The following DTNB variants were observed in gnomAD, a reference collection of about 807,000 sequenced individuals.
The protein encoded by DTNB is DTN-B.
Under a neutral mutation model 90.7 loss-of-function variants are expected in DTNB, and 63 were observed. The observed-to-expected ratio is 0.69, with a 90% CI of 0.57 to 0.86. The LOEUF is 0.86. Among genes scored for constraint, DTNB ranks in the 40% least tolerant of loss-of-function variants. The pLI is 0.00. For synonymous variants in DTNB, 277 were observed against 286.7 expected, an observed-to-expected ratio of 0.97 and a Z score of 0.34; for missense variants, 744 against 807.1, an observed-to-expected ratio of 0.92 and a Z score of 0.95.
At chr2:25,496,855 A>C (rs2069007782) in intron 9 of DTNB, among the ~76,000 whole-genome samples, 2 of 151,976 alleles carry the variant, frequency 1.3e-5, no homozygotes, top group South Asian at 4.2e-4. Flanking sequence ...AAAAAAAAAA[A>C]AAAAGATAAT....
chr2:25,535,798 T>G (rs2079534667), intron 8 of DTNB, among the ~76,000 whole-genome samples: 1 of 107,046 alleles, frequency 9.3e-6, no homozygotes, highest in South Asian at 3.3e-4. Context: ...CACTTCCCAT[T>G]CAGGGCAGCC....
At chr2:25,404,780 G>C (rs2044640363) in intron 16 of DTNB, among the ~76,000 whole-genome samples, 1 of 152,082 alleles carries the variant, frequency 6.6e-6, no homozygotes, top group Non-Finnish European at 1.5e-5. Flanking sequence ...GCTTGAACCT[G>C]GGAGACAGAG....
At chr2:25,418,942 C>G (rs1246230453) in intron 16 of DTNB, among the ~76,000 whole-genome samples, 1 of 152,134 alleles carries the variant, frequency 6.6e-6, no homozygotes, top group Non-Finnish European at 1.5e-5. Context: ...AAACACCATG[C>G]AATAGCCACA....
intron 6 of DTNB, chr2:25,595,207 T>C (rs1573113688): frequency 6.6e-6 from 1 of 152,206 alleles, no homozygotes; most frequent in Admixed American, 6.5e-5. Flanking sequence ...AGGCAGGCGG[T>C]ATCAGTTTAT....
intron 2 of DTNB, among the ~76,000 whole-genome samples, chr2:25,648,930 G>A (rs1392534613): frequency 1.4e-5 from 2 of 143,230 alleles, no homozygotes; most frequent in Admixed American, 1.4e-4. Context: ...TAGAAATATA[G>A]AAAGAATAGA....
intron 1 of DTNB, chr2:25,672,957 C>G (rs565427978): frequency 1.3e-5 from 2 of 153,622 alleles, no homozygotes; most frequent in East Asian, 3.9e-4. Flanking sequence ...GAAATAAATA[C>G]CCTTCCCTCT....
At chr2:25,592,777 G>A (rs550866607) in intron 6 of DTNB, among the ~76,000 whole-genome samples, 4 of 152,308 alleles carry the variant, frequency 2.6e-5, no homozygotes, top group African/African-American at 9.6e-5. Flanking sequence ...TAAGGTATAT[G>A]AGGAAAACAG....
intron 9 of DTNB, among the ~76,000 whole-genome samples, chr2:25,488,608 C>A (rs916141058): frequency 2.0e-5 from 3 of 152,092 alleles, no homozygotes; most frequent in African/African-American, 7.2e-5. Flanking sequence ...TTAAACAGTA[C>A]CTGGTCATTT....
rs2040166504 is a variant in DTNB, at chr2:25,388,495, G to A, written c.1576-134C>T. The A allele has an allele frequency of 2.4e-6, 3 of 1,257,664 alleles. No individual in the cohort carries two copies. In the African/African-American group the frequency reaches 4.5e-5, roughly 19 times the overall value. The allele number at this position is 1,257,664 out of a possible 1,614,324, so 77.9% of individuals were successfully genotyped here. ...CAGTGGTACAAGATCATACTTGAAA[G>A]GAAGGAGTTAGGCTGCTTCCAAGAC... On this transcript the variant is annotated intron_variant, in intron 16 of 20. Coordinates refer to ENST00000406818, the MANE Select transcript of DTNB (RefSeq NM_021907.5).
At chr2:25,414,092 CTG>C (rs1380797654) in intron 16 of DTNB, among the ~76,000 whole-genome samples, 1 of 152,178 alleles carries the variant, frequency 6.6e-6, no homozygotes, top group Non-Finnish European at 1.5e-5. Context: ...AGAGAAGTGT[CTG>C]TTCAGATCCT....
chr2:25,639,452 C>G (rs571258426), intron 2 of DTNB: 23 of 169,946 alleles, frequency 1.4e-4, no homozygotes, highest in African/African-American at 4.0e-4. Flanking sequence ...CCTGTCCCAG[C>G]CTGACCAACC....
chr2:25,529,430 G>C (rs971708542), intron 9 of DTNB, among the ~76,000 whole-genome samples: 2 of 151,664 alleles, frequency 1.3e-5, no homozygotes, highest in Non-Finnish European at 2.9e-5. Flanking sequence ...AAAAAGTAAG[G>C]AGAAAACCAC....
At chr2:25,519,914 C>A (rs1427191787) in intron 9 of DTNB, among the ~76,000 whole-genome samples, 1 of 152,128 alleles carries the variant, frequency 6.6e-6, no homozygotes, top group East Asian at 1.9e-4. Context: ...AAATAAGACT[C>A]TAGTCTCCCA....
chr2:25,661,809 AT>A (rs2083229520), intron 1 of DTNB, among the ~76,000 whole-genome samples: 1 of 152,232 alleles, frequency 6.6e-6, no homozygotes, highest in African/African-American at 2.4e-5. Context: ...ATTCTCATAT[AT>A]TGCTGGTGAA....
chr2:25,633,052 C>A (rs2076108637), intron 3 of DTNB, among the ~76,000 whole-genome samples: 1 of 152,122 alleles, frequency 6.6e-6, no homozygotes, highest in South Asian at 2.1e-4. Flanking sequence ...ATCAAAGATT[C>A]TACAGATAAA....
chr2:25,515,541 C>T (rs2074913552), intron 9 of DTNB, among the ~76,000 whole-genome samples: 1 of 152,076 alleles, frequency 6.6e-6, no homozygotes, highest in African/African-American at 2.4e-5. Flanking sequence ...GTCTTTTCAA[C>T]AACTGGTGCT....
chr2:25,609,951 A>G (rs1342730470), intron 4 of DTNB, among the ~76,000 whole-genome samples: 1 of 152,236 alleles, frequency 6.6e-6, no homozygotes, highest in Non-Finnish European at 1.5e-5. Flanking sequence ...ATGACTATTA[A>G]GTGCATGAAA....
intron 9 of DTNB, among the ~76,000 whole-genome samples, chr2:25,504,321 GAAGA>G (rs1158174630): frequency 3.4e-5 from 5 of 148,010 alleles, no homozygotes; most frequent in African/African-American, 7.5e-5. Flanking sequence ...AGAAAGAAGG[GAAGA>G]AAGAAAGAAG....
rs199673213 is a variant in DTNB, at chr2:25,598,491, T to C, written c.449-2251A>G. Among the ~76,000 whole-genome samples the C allele has an allele frequency of 1.4e-4, 21 of 152,314 alleles. No homozygotes were observed. In the East Asian group the frequency reaches 3.5e-3, roughly 25 times the overall value. Reference sequence around the variant, plus strand: ...ACTCTAACACTAAGCATTACTCTACTATTACAGCTTAGAAAGGTTAACTTG... The same window carrying C: ...ACTCTAACACTAAGCATTACTCTACCATTACAGCTTAGAAAGGTTAACTTG... On this transcript the variant is annotated intron_variant, in intron 5 of 20. Transcript: ENST00000406818.
Sources: gnomAD v4.1 joint callset for allele counts (sites outside exome capture counted in the v4.1 genomes callset) on GRCh38, gnomAD v4.1.1 for gene constraint, MANE v1.5 for transcripts, NCBI Gene and HGNC (gene_info 2026-07-23, HGNC 2026-07-21) for gene names.